The following TSHR variants were observed in gnomAD, a reference collection of about 807,000 sequenced individuals.
The protein encoded by TSHR is thyrotropin receptor.
In TSHR, 51 loss-of-function variants were observed where a neutral mutation model predicts 64.1. The observed-to-expected ratio is 0.80, with a 90% confidence interval of 0.64 to 1.01. The LOEUF (loss-of-function observed/expected upper bound fraction) is 1.01. Ranked by LOEUF, TSHR falls within the 50% of genes least tolerant of loss-of-function variation. The probability of loss-of-function intolerance (pLI) is 0.00; values close to 1 mark genes in which losing one functional copy is unlikely to be tolerated. For missense variants in TSHR, 877 were observed against 942.8 expected (o/e 0.93, Z 0.91); for synonymous variants, 361 against 361.9 (o/e 1.00, Z 0.03).
At chr14:81,047,854 G>A (rs1040597121) in intron 1 of TSHR, among the ~76,000 whole-genome samples, 10 of 151,970 alleles carry the variant, frequency 6.6e-5, no homozygotes, top group Non-Finnish European at 1.3e-4. Flanking sequence ...CACCGTGTTA[G>A]CCAGGATGGT....
chr14:81,065,035 C>G (rs1362225587), intron 2 of TSHR, among the ~76,000 whole-genome samples: 5 of 152,060 alleles, frequency 3.3e-5, no homozygotes, highest in Non-Finnish European at 1.5e-5. Context: ...CTCACAGACA[C>G]TTTGAAGGGT....
chr14:81,087,924 T>C (rs1315118978), intron 3 of TSHR, 30 bp from the exon 4 acceptor site: 21 of 1,474,702 alleles, frequency 1.4e-5, no homozygotes, highest in Admixed American at 3.3e-5. Context: ...GGATGCATTA[T>C]AGTGACTGTG....
intron 1 of TSHR, 65 bp downstream of exon 1, chr14:80,955,915 A>G: frequency 6.2e-7 from 1 of 1,603,676 alleles, no homozygotes; most frequent in Non-Finnish European, 8.5e-7. Context: ...GGTGGCCCGA[A>G]GTGCACAAAA....
chr14:80,965,434 A>G (rs1227663539), intron 1 of TSHR, among the ~76,000 whole-genome samples: 3 of 152,146 alleles, frequency 2.0e-5, no homozygotes, highest in African/African-American at 7.2e-5. Context: ...CATGGCTCAC[A>G]CTTAGCCTGT....
At chr14:80,957,426 A>T (rs1174555072) in intron 1 of TSHR, among the ~76,000 whole-genome samples, 1 of 151,992 alleles carries the variant, frequency 6.6e-6, no homozygotes, top group Non-Finnish European at 1.5e-5. Context: ...TCAACCCCGA[A>T]TTCCTGAAAC....
intron 1 of TSHR, among the ~76,000 whole-genome samples, chr14:81,005,729 G>A (rs1244443683): frequency 6.6e-6 from 1 of 152,148 alleles, no homozygotes. Context: ...TCTTGGAACC[G>A]CGGAGCTACT....
chr14:81,073,466 C>T (rs1566794795), intron 3 of TSHR, among the ~76,000 whole-genome samples: 1 of 152,062 alleles, frequency 6.6e-6, no homozygotes, highest in Non-Finnish European at 1.5e-5. Flanking sequence ...AAATTGACCA[C>T]ATGTGGGGCC....
intron 1 of TSHR, among the ~76,000 whole-genome samples, chr14:80,988,292 G>A (rs1050970565): frequency 1.3e-4 from 19 of 147,848 alleles, no homozygotes; most frequent in African/African-American, 4.5e-4. Flanking sequence ...CAGGAAGCAT[G>A]ATGCTGGCAT....
At chr14:81,039,936 A>T (rs574172893) in intron 1 of TSHR, among the ~76,000 whole-genome samples, 1 of 152,178 alleles carries the variant, frequency 6.6e-6, no homozygotes, top group Non-Finnish European at 1.5e-5. Context: ...TCAAAATTCC[A>T]ATGACAGTTT....
At chr14:81,104,943 T>A in intron 7 of TSHR, 1 of 985,466 alleles carries the variant, frequency 1.0e-6, no homozygotes, top group Non-Finnish European at 1.2e-6. Flanking sequence ...AAATACCAGT[T>A]CTTTTCTCAT....
intron 1 of TSHR, among the ~76,000 whole-genome samples, chr14:81,030,086 G>A (rs1884272512): frequency 6.6e-6 from 1 of 152,214 alleles, no homozygotes; most frequent in Admixed American, 6.5e-5. Context: ...ACAATTACTG[G>A]AGCATATTTA....
intron 7 of TSHR, among the ~76,000 whole-genome samples, chr14:81,101,661 C>A (rs1053452234): frequency 1.3e-5 from 2 of 152,282 alleles, no homozygotes; most frequent in East Asian, 3.9e-4. Context: ...TGGGAGCCAA[C>A]CCTGAACAGG....
In TSHR at chr14:81,107,358, T is replaced by C. The variant is rs1473155279; in HGVS notation, c.615-1017T>C. Among the ~76,000 whole-genome samples the C allele has an allele frequency of 2.0e-5, 3 of 152,200 alleles. No individual in the cohort carries two copies. The East Asian group carries it at 5.8e-4, about 29-fold the overall frequency. ...TTTGCATCAACAGGTGGCCACTCAC[T>C]AATGTTTAAGTGGACCAGGTTATGT... On this transcript the variant is annotated intron_variant, in intron 7 of 9. Transcript: ENST00000298171.
chr14:81,092,349 C>T (rs962661729), intron 5 of TSHR, among the ~76,000 whole-genome samples, 182 bp from the exon 6 acceptor site: 2 of 152,188 alleles, frequency 1.3e-5, no homozygotes, highest in Admixed American at 6.5e-5. Flanking sequence ...TCATCTAGGA[C>T]AGCTCTCACC....
At chr14:81,013,446 A>G (rs1890026223) in intron 1 of TSHR, 1 of 152,236 alleles carries the variant, frequency 6.6e-6, no homozygotes, top group African/African-American at 2.4e-5. Flanking sequence ...ACAGATGTAC[A>G]CAATTTTTGA....
At chr14:81,085,160 C>T (rs1315412222) in intron 3 of TSHR, among the ~76,000 whole-genome samples, 1 of 152,080 alleles carries the variant, frequency 6.6e-6, no homozygotes, top group Non-Finnish European at 1.5e-5. Context: ...CAGGGTTTCA[C>T]CACGTTGCCC....
intron 2 of TSHR, among the ~76,000 whole-genome samples, chr14:81,062,871 T>G (rs1886341765): frequency 6.6e-6 from 1 of 152,128 alleles, no homozygotes; most frequent in Non-Finnish European, 1.5e-5. Context: ...AAGCAACCTG[T>G]ACAGTTTTTG....
At chr14:81,016,437 T>A (rs1268198289) in intron 1 of TSHR, among the ~76,000 whole-genome samples, 1 of 151,982 alleles carries the variant, frequency 6.6e-6, no homozygotes, top group African/African-American at 2.4e-5. Flanking sequence ...TTTTGAGGAG[T>A]GTTTCCAGGT....
intron 7 of TSHR, among the ~76,000 whole-genome samples, chr14:81,098,134 G>A (rs553466631): frequency 3.3e-5 from 5 of 152,310 alleles, no homozygotes; most frequent in African/African-American, 1.2e-4. Context: ...ATGAACAGGA[G>A]CCATGTGCTC....
Sources: gnomAD v4.1 joint callset for allele counts (sites outside exome capture counted in the v4.1 genomes callset) on GRCh38, gnomAD v4.1.1 for gene constraint, MANE v1.5 for transcripts, NCBI Gene and HGNC (gene_info 2026-07-23, HGNC 2026-07-21) for gene names.